Variants in PREP observed in about 807,000 individuals in gnomAD.
PREP encodes the protein dJ355L5.1 (prolyl endopeptidase).
Under a neutral mutation model 87.6 loss-of-function variants are expected in PREP, and 29 were observed. The ratio of observed to expected loss-of-function variants is 0.33; its 90% CI spans 0.25 to 0.45. The LOEUF (loss-of-function observed/expected upper bound fraction) is 0.45. Ranked by LOEUF, PREP falls within the 20% of genes least tolerant of loss-of-function variation. The pLI is 1.00. For synonymous variants in PREP, 337 were observed against 328.6 expected (o/e 1.03, Z -0.28); for missense variants, 695 against 886.5 (o/e 0.78, Z 2.74).
intron 6 of PREP, among the ~76,000 whole-genome samples, chr6:105,358,152 T>A (rs1261100763): frequency 6.6e-6 from 1 of 152,004 alleles, no homozygotes; most frequent in African/African-American, 2.4e-5. Context: ...TAAAAATGAC[T>A]TAACTTCATA....
chr6:105,358,428 G>A (rs1397067605), intron 6 of PREP, among the ~76,000 whole-genome samples: 2 of 152,116 alleles, frequency 1.3e-5, no homozygotes, highest in Non-Finnish European at 2.9e-5. Flanking sequence ...TAAAAGAGAA[G>A]AAAGTACTAA....
At chr6:105,393,903 T>G (rs1773224763) in intron 2 of PREP, among the ~76,000 whole-genome samples, 1 of 150,608 alleles carries the variant, frequency 6.6e-6, no homozygotes, top group Non-Finnish European at 1.5e-5. Flanking sequence ...GTAATCCATA[T>G]AAAATATTAA....
intron 10 of PREP, among the ~76,000 whole-genome samples, chr6:105,297,498 TAAAC>T (rs1437265269): frequency 6.6e-6 from 1 of 152,230 alleles, no homozygotes; most frequent in African/African-American, 2.4e-5. Context: ...AGGTTCAAGT[TAAAC>T]AAAATTACTT....
intron 1 of PREP, among the ~76,000 whole-genome samples, chr6:105,401,144 T>C (rs563554781): frequency 2.0e-5 from 3 of 152,350 alleles, no homozygotes; most frequent in Admixed American, 6.5e-5. Context: ...TATAATCTTT[T>C]AGACGTCTTC....
chr6:105,341,944 C>G (rs1277821730), intron 7 of PREP, among the ~76,000 whole-genome samples: 6 of 152,194 alleles, frequency 3.9e-5, no homozygotes, highest in Non-Finnish European at 8.8e-5. Flanking sequence ...CAGCTGAATT[C>G]TACCAGAGGT....
At chr6:105,400,046 T>G (rs889910512) in intron 1 of PREP, among the ~76,000 whole-genome samples, 20 of 152,238 alleles carry the variant, frequency 1.3e-4, no homozygotes, top group African/African-American at 4.8e-4. Context: ...TATTTTTAAC[T>G]AGGACAAGAA....
At chr6:105,325,858 G>T (rs1361774388) in intron 9 of PREP, among the ~76,000 whole-genome samples, 1 of 152,186 alleles carries the variant, frequency 6.6e-6, no homozygotes, top group African/African-American at 2.4e-5. Context: ...TGAAAAAAGA[G>T]AACTGAACTG....
At chr6:105,328,321 G>C (rs989860490) in intron 9 of PREP, among the ~76,000 whole-genome samples, 1 of 151,426 alleles carries the variant, frequency 6.6e-6, no homozygotes, top group East Asian at 1.9e-4. Flanking sequence ...GCAGTGGCGC[G>C]ATCTCGGCTC....
chr6:105,301,228 G>GTTA (rs1770530473), intron 10 of PREP, among the ~76,000 whole-genome samples: 1 of 152,222 alleles, frequency 6.6e-6, no homozygotes, highest in Non-Finnish European at 1.5e-5. Context: ...GAGCCTGACA[G>GTTA]GTTTAAAGGA....
chr6:105,308,758 C>T (rs963207207), intron 10 of PREP, among the ~76,000 whole-genome samples: 8 of 152,102 alleles, frequency 5.3e-5, no homozygotes, highest in African/African-American at 1.9e-4. Context: ...AGTACTTAAA[C>T]ATATCTACTC....
chr6:105,364,173 G>C (rs1368665938), intron 6 of PREP, among the ~76,000 whole-genome samples: 4 of 152,226 alleles, frequency 2.6e-5, no homozygotes, highest in Non-Finnish European at 4.4e-5. Context: ...AAATTGGAGA[G>C]AGTGATATTT....
chr6:105,399,683 C>T (rs1167781709), intron 1 of PREP, among the ~76,000 whole-genome samples: 2 of 152,148 alleles, frequency 1.3e-5, no homozygotes, highest in Non-Finnish European at 2.9e-5. Context: ...TTTTACACAC[C>T]TTGAAGTGGT....
chr6:105,372,755 G>A (rs12204377), intron 5 of PREP, among the ~76,000 whole-genome samples: 5,989 of 152,164 alleles, frequency 0.039, 160 homozygotes, highest in South Asian at 0.11. Flanking sequence ...AGCTTGGTTC[G>A]GTTTAAAAAT....
At chr6:105,377,290 C>T (rs1772709221) in intron 3 of PREP, 96 bp downstream of exon 3, 6 of 1,351,578 alleles carry the variant, frequency 4.4e-6, no homozygotes, top group Non-Finnish European at 6.1e-6. Flanking sequence ...ATGAATTAAT[C>T]TTATACAAGG....
chr6:105,302,344 A>T (rs2114627465), intron 10 of PREP: 1 of 199,546 alleles, frequency 5.0e-6, no homozygotes, highest in African/African-American at 2.4e-5. Context: ...TGAGTTCTGC[A>T]TTGTTTGCCT....
intron 10 of PREP, among the ~76,000 whole-genome samples, chr6:105,321,051 ATGT>A (rs1218384392): frequency 1.3e-5 from 2 of 152,260 alleles, no homozygotes; most frequent in Non-Finnish European, 2.9e-5. Context: ...CAAGTCAATG[ATGT>A]TGTGACATCA....
chr6:105,397,996 T>C, intron 1 of PREP, 69 bp from the exon 2 acceptor site: 1 of 1,229,696 alleles, frequency 8.1e-7, no homozygotes, highest in South Asian at 1.3e-5. Flanking sequence ...ATTTTTTTAA[T>C]GTAATGGAGA....
At chr6:105,329,104 A>G (rs1023483295) in intron 8 of PREP, 78 bp from the exon 9 acceptor site, 32 of 1,343,170 alleles carry the variant, frequency 2.4e-5, no homozygotes, top group Non-Finnish European at 3.1e-5. Context: ...CAACAGTTCC[A>G]GAGCTACACA....
chr6:105,394,319 A>C (rs1274405879), intron 2 of PREP, among the ~76,000 whole-genome samples: 1 of 152,242 alleles, frequency 6.6e-6, no homozygotes, highest in Non-Finnish European at 1.5e-5. Context: ...CTATTCTTAC[A>C]TGTTTTGCAG....
Sources: gnomAD v4.1 joint callset for allele counts (sites outside exome capture counted in the v4.1 genomes callset) on GRCh38, gnomAD v4.1.1 for gene constraint, MANE v1.5 for transcripts, NCBI Gene and HGNC (gene_info 2026-07-23, HGNC 2026-07-21) for gene names.